The following HTR1F variants were observed in gnomAD, a reference collection of about 807,000 sequenced individuals.
The protein encoded by HTR1F is 5-hydroxytryptamine (serotonin) receptor 1F, G protein-coupled.
In HTR1F, 17 loss-of-function variants were observed where a neutral mutation model predicts 24.0. That is an observed-to-expected ratio of 0.71 (90% CI 0.48 to 1.06). The LOEUF (loss-of-function observed/expected upper bound fraction) is 1.06, where lower values mean the gene tolerates loss of function less well. Among genes scored for constraint, HTR1F ranks in the 50% least tolerant of loss-of-function variants. HTR1F has a pLI of 0.00. For missense variants in HTR1F, 391 were observed against 427.8 expected (o/e 0.91, Z 0.76); for synonymous variants, 186 against 156.8 (o/e 1.19, Z -1.39).
Position 87,991,251 on chromosome 3 carries a change from A to C in HTR1F, c.502A>C (p.Arg168=), listed in dbSNP as rs549341918. ...ATTCTGGAGGCACCAAGGAACTAGCAGAGATGATGAATGCATCATCAAGCA... is the reference window on the plus strand; with the variant it reads ...ATTCTGGAGGCACCAAGGAACTAGCCGAGATGATGAATGCATCATCAAGCA... The part of the protein sequence containing the change: ...PLFWRHQGTS[R]DDECIIKHDH... Residue 168 remains arginine (R), a synonymous_variant, in exon 3 of 3, where the codon AGA becomes CGA. Transcript: ENST00000319595. 26 of 1,614,122 alleles carry C rather than the reference A, an allele frequency of 1.6e-5. No homozygotes were observed. The highest frequency in any genetic ancestry group is 2.0e-5 in the Non-Finnish European group (24 of 1,179,986).
intron 2 of HTR1F, among the ~76,000 whole-genome samples, chr3:87,829,034 G>C (rs1704519897): frequency 6.8e-6 from 1 of 146,540 alleles, no homozygotes; most frequent in Non-Finnish European, 1.5e-5. Context: ...TTGTGGCAAA[G>C]TCAGCATACC....
chr3:87,853,582 A>G (rs2932299), intron 2 of HTR1F, among the ~76,000 whole-genome samples: 23,554 of 152,102 alleles, frequency 0.15, 2,074 homozygotes, highest in African/African-American at 0.24. Flanking sequence ...TTAGGTATAT[A>G]CCCAGTCATG....
At chr3:87,926,691 G>T (rs2107391838) in intron 2 of HTR1F, among the ~76,000 whole-genome samples, 1 of 152,120 alleles carries the variant, frequency 6.6e-6, no homozygotes, top group East Asian at 1.9e-4. Flanking sequence ...AGATCTTCAA[G>T]CTAGAAAAAA....
intron 2 of HTR1F, among the ~76,000 whole-genome samples, chr3:87,890,934 C>T (rs761656200): frequency 7.3e-4 from 111 of 151,658 alleles, no homozygotes; most frequent in Admixed American, 1.3e-3. Context: ...CTGTGCCTCC[C>T]GGGTTCAAGC....
intron 2 of HTR1F, among the ~76,000 whole-genome samples, chr3:87,948,297 A>ATAGT (rs1704757116): frequency 6.6e-6 from 1 of 152,176 alleles, no homozygotes; most frequent in South Asian, 2.1e-4. Context: ...AGGTAGCTAT[A>ATAGT]TAGTTAATTA....
chr3:87,955,821 A>T (rs1287830233), intron 2 of HTR1F, among the ~76,000 whole-genome samples: 1 of 151,450 alleles, frequency 6.6e-6, no homozygotes, highest in African/African-American at 2.4e-5. Flanking sequence ...GATTTGGACT[A>T]TTCAAATATC....
intron 2 of HTR1F, among the ~76,000 whole-genome samples, chr3:87,932,586 T>C (rs1035749820): frequency 6.6e-6 from 1 of 152,158 alleles, no homozygotes; most frequent in African/African-American, 2.4e-5. Flanking sequence ...GTGAAGAAAG[T>C]CATTGGTAGC....
At chr3:87,830,524 G>C (rs569392257) in intron 2 of HTR1F, among the ~76,000 whole-genome samples, 1 of 151,954 alleles carries the variant, frequency 6.6e-6, no homozygotes, top group African/African-American at 2.4e-5. Context: ...CCTATGCTCT[G>C]GTTTATCATC....
At chr3:87,876,953 T>G (rs1292435904) in intron 2 of HTR1F, among the ~76,000 whole-genome samples, 1 of 152,184 alleles carries the variant, frequency 6.6e-6, no homozygotes, top group African/African-American at 2.4e-5. Context: ...ATGGTAAATT[T>G]TATGATATGT....
intron 2 of HTR1F, among the ~76,000 whole-genome samples, chr3:87,946,642 T>TA (rs1559644600): frequency 7.2e-6 from 1 of 139,044 alleles, no homozygotes; most frequent in Non-Finnish European, 1.5e-5. Context: ...TTTTTTTTTT[T>TA]AAACAGTCTC....
intron 2 of HTR1F, among the ~76,000 whole-genome samples, chr3:87,829,732 G>T (rs1415443803): frequency 6.6e-6 from 1 of 152,104 alleles, no homozygotes; most frequent in Admixed American, 6.5e-5. Flanking sequence ...TAATATATAG[G>T]TCTTCCTTTA....
intron 2 of HTR1F, among the ~76,000 whole-genome samples, chr3:87,894,097 G>T (rs1706146095): frequency 6.6e-6 from 1 of 151,828 alleles, no homozygotes. Flanking sequence ...TTCTTTAGTG[G>T]TGATTTGTGA....
intron 2 of HTR1F, among the ~76,000 whole-genome samples, chr3:87,880,654 G>GTGTA (rs1559616794): frequency 6.6e-6 from 1 of 151,168 alleles, no homozygotes; most frequent in African/African-American, 2.4e-5. Flanking sequence ...GTTTGTGTGT[G>GTGTA]TGTGTGTGTG....
intron 2 of HTR1F, among the ~76,000 whole-genome samples, chr3:87,876,956 T>C (rs983404780): frequency 2.0e-5 from 3 of 152,200 alleles, no homozygotes; most frequent in African/African-American, 7.2e-5. Context: ...GTAAATTTTA[T>C]GATATGTGCT....
chr3:87,814,185 C>T (rs1477868132), intron 1 of HTR1F, among the ~76,000 whole-genome samples: 1 of 152,098 alleles, frequency 6.6e-6, no homozygotes, highest in Middle Eastern at 3.2e-3. Context: ...ATCAAAAACT[C>T]ACAGATTTGA....
In HTR1F at chr3:87,793,947, A is replaced by C. The variant is rs1197925145; in HGVS notation, c.-160+1105A>C. ...ATATATAATTATTACAATTTGATTA[A>C]ATTTTAGTGGATATGCTATGCCAAA... is the stretch of plus-strand genomic sequence containing the variant. On this transcript the variant is annotated intron_variant, in intron 1 of 2. Coordinates refer to ENST00000319595, the MANE Select transcript of HTR1F (RefSeq NM_001322209.2). 2.0e-5 allele frequency among the ~76,000 whole-genome samples: 3 copies of C among 146,520 alleles called. No individual in the cohort carries two copies. In the East Asian group the frequency reaches 6.0e-4, roughly 29 times the overall value.
intron 2 of HTR1F, among the ~76,000 whole-genome samples, chr3:87,893,102 A>G (rs902668130): frequency 5.3e-5 from 8 of 152,154 alleles, no homozygotes; most frequent in African/African-American, 1.9e-4. Context: ...CTAAAAATAT[A>G]AAGGGATTTG....
At chr3:87,869,436 C>CATACATAG (rs1553668752) in intron 2 of HTR1F, among the ~76,000 whole-genome samples, 2 of 117,050 alleles carry the variant, frequency 1.7e-5, no homozygotes, top group African/African-American at 6.7e-5. Flanking sequence ...TAGATAGATA[C>CATACATAG]ATAGATAGAT....
rs374480266 is a variant in HTR1F, at chr3:87,904,031, G to A, written c.-43+81907G>A. ...TATCAAAAAGCTCTAAAACTAAAAAGAATATCCAGTTAAACACAAAATGAA... is the reference window on the plus strand; with the variant it reads ...TATCAAAAAGCTCTAAAACTAAAAAAAATATCCAGTTAAACACAAAATGAA... On this transcript the variant is annotated intron_variant, in intron 2 of 2. Transcript: ENST00000319595. Among the ~76,000 whole-genome samples the A allele has an allele frequency of 9.9e-5, 15 of 152,124 alleles. No individual in the cohort carries two copies. In the East Asian group the frequency reaches 1.7e-3, roughly 18 times the overall value.
Sources: allele counts gnomAD v4.1 joint callset (sites outside exome capture counted in the v4.1 genomes callset), GRCh38; gene constraint gnomAD v4.1.1; transcripts MANE v1.5; gene names NCBI Gene and HGNC (gene_info 2026-07-23, HGNC 2026-07-21).